The following LIPC variants were observed in gnomAD, a reference collection of about 807,000 sequenced individuals.
LIPC encodes hepatic triacylglycerol lipase.
Under a neutral mutation model 50.7 loss-of-function variants are expected in LIPC, and 44 were observed. That is an observed-to-expected ratio of 0.87 (90% CI 0.68 to 1.11). LIPC has a LOEUF of 1.11. Among genes scored for constraint, LIPC ranks in the 50% most tolerant of loss-of-function variants. The pLI is 0.00. For synonymous variants in LIPC, 271 were observed against 256.4 expected (o/e 1.06, Z -0.54); for missense variants, 697 against 648.2 (o/e 1.08, Z -0.82).
At chr15:58,529,144 G>C (rs1293616443) in intron 1 of LIPC, among the ~76,000 whole-genome samples, 2 of 152,204 alleles carry the variant, frequency 1.3e-5, no homozygotes, top group Non-Finnish European at 2.9e-5. Flanking sequence ...GAGCTAGATA[G>C]TCATGATATA....
rs775807344 is a variant in LIPC at position 58,563,741 on chromosome 15, C to T, written c.1388+18C>T. On this transcript the variant is annotated intron_variant, in intron 8 of 8. Transcript: ENST00000299022. ...CAGCAAAGGTGACTGCTGATTCAAT[C>T]TCCTATTAACGTCCATTAAGCACCC... 2.5e-6 allele frequency: 4 copies of T among 1,602,286 alleles called. No individual in the cohort carries two copies. The highest frequency in any genetic ancestry group is 2.6e-6 in the Non-Finnish European group (3 of 1,172,220).
intron 1 of LIPC, among the ~76,000 whole-genome samples, chr15:58,460,708 C>T (rs759820710): frequency 9.2e-4 from 140 of 152,280 alleles, no homozygotes; most frequent in Non-Finnish European, 1.8e-3. Context: ...ATTTCCTACT[C>T]GCCATGATGT....
At chr15:58,565,766 TG>T (rs1356393198) in intron 8 of LIPC, 2 of 989,140 alleles carry the variant, frequency 2.0e-6, no homozygotes, top group Non-Finnish European at 2.4e-6. Flanking sequence ...GTTGCAGTGC[TG>T]GACATTAACA....
rs1212182787 is a variant in LIPC, at chr15:58,520,120, TTTG to T, written c.89-18210_89-18208del. Among the ~76,000 whole-genome samples, 58 of 114,798 alleles carry T rather than the reference TTTG, an allele frequency of 5.1e-4. 1 individual carries two copies. Among genetic ancestry groups the T allele is most frequent in the Non-Finnish European group, 8.5e-4 (38 of 44,582 alleles). 75.3% of individuals were successfully genotyped at this position (114,798 alleles called of 152,430 possible). A position where few individuals can be genotyped will look rare whatever the true frequency, so the allele number is the denominator to read the frequency against. On this transcript the variant is annotated intron_variant, in intron 1 of 8. Transcript: ENST00000299022. The stretch of plus-strand genomic sequence containing the variant: ...ACCTCAGGTTTTGGGCTGTTTTTTT[TTTG>T]TTTTTTTTTTAATCTGTTAATTGAA...
chr15:58,459,250 C>T (rs774450261), intron 1 of LIPC, among the ~76,000 whole-genome samples: 22 of 152,078 alleles, frequency 1.4e-4, no homozygotes, highest in Non-Finnish European at 2.6e-4. Flanking sequence ...TTGGCTTTTC[C>T]CAGCAAGCAG....
intron 1 of LIPC, among the ~76,000 whole-genome samples, chr15:58,482,777 AG>A (rs1891236675): frequency 6.6e-6 from 1 of 152,134 alleles, no homozygotes; most frequent in Non-Finnish European, 1.5e-5. Context: ...AACCTTAAGG[AG>A]CTCATGATCA....
chr15:58,476,204 T>G (rs1237939856), intron 1 of LIPC, among the ~76,000 whole-genome samples: 3 of 152,252 alleles, frequency 2.0e-5, no homozygotes, highest in Admixed American at 2.0e-4. Flanking sequence ...CCCCAGTCCA[T>G]CTGCTCTGGC....
intron 1 of LIPC, among the ~76,000 whole-genome samples, chr15:58,531,065 A>G (rs531947865): frequency 6.6e-6 from 1 of 152,344 alleles, no homozygotes; most frequent in Admixed American, 6.5e-5. Flanking sequence ...GCCTTTAAAG[A>G]ACTTGTCAAA....
At chr15:58,491,336 A>G (rs557800580) in intron 1 of LIPC, among the ~76,000 whole-genome samples, 1 of 151,722 alleles carries the variant, frequency 6.6e-6, no homozygotes, top group Admixed American at 6.6e-5. Flanking sequence ...TCCTCACTCT[A>G]CTCTCCCCAG....
At chr15:58,538,274 G>T in intron 1 of LIPC, 59 bp from the exon 2 acceptor site, 1 of 1,525,354 alleles carries the variant, frequency 6.6e-7, no homozygotes, top group Non-Finnish European at 9.1e-7. Context: ...TTGAGAAGAC[G>T]GAGGGCTTCA....
intron 1 of LIPC, among the ~76,000 whole-genome samples, chr15:58,496,900 G>A (rs1891790774): frequency 1.3e-5 from 2 of 152,070 alleles, no homozygotes; most frequent in African/African-American, 4.8e-5. Flanking sequence ...GGCCAGGCTG[G>A]TCTCCAACCC....
intron 1 of LIPC, among the ~76,000 whole-genome samples, chr15:58,443,171 C>T (rs1251552013): frequency 6.6e-6 from 1 of 152,180 alleles, no homozygotes; most frequent in East Asian, 1.9e-4. Context: ...CTCAGCCTCC[C>T]AAAGTGCTGG....
intron 1 of LIPC, among the ~76,000 whole-genome samples, chr15:58,438,577 C>A (rs1212021974): frequency 1.3e-5 from 2 of 152,220 alleles, no homozygotes; most frequent in African/African-American, 4.8e-5. Flanking sequence ...GTCTGTCCAG[C>A]AGCGGGTGGA....
chr15:58,513,792 C>T (rs1892403377), intron 1 of LIPC, among the ~76,000 whole-genome samples: 1 of 152,186 alleles, frequency 6.6e-6, no homozygotes, highest in Non-Finnish European at 1.5e-5. Flanking sequence ...TATGTCCTGG[C>T]TCCACTCACA....
intron 8 of LIPC, chr15:58,566,329 T>C (rs1894364655): frequency 3.0e-6 from 3 of 985,354 alleles, no homozygotes; most frequent in Admixed American, 6.1e-5. Context: ...CAGGATCGGA[T>C]GGACTCCAGT....
rs1423483551 is a variant in LIPC, at chr15:58,567,310, T to C, written c.1389-1406T>C. ...ATATATATACATATATATATACATA[T>C]ATATGTATATGTGTATATATATATA... is the stretch of plus-strand genomic sequence containing the variant. On this transcript the variant is annotated intron_variant, in intron 8 of 8. Coordinates refer to ENST00000299022, the MANE Select transcript of LIPC (RefSeq NM_000236.3). Among the ~76,000 whole-genome samples the C allele has an allele frequency of 1.7e-3, 48 of 27,644 alleles. 2 individuals carry two copies. Among genetic ancestry groups the C allele is most frequent in the Non-Finnish European group, 2.1e-3 (29 of 13,558 alleles). 18.1% of individuals were successfully genotyped at this position (27,644 alleles called of 152,430 possible). A position where few individuals can be genotyped will look rare whatever the true frequency, so the allele number is the denominator to read the frequency against.
intron 1 of LIPC, among the ~76,000 whole-genome samples, chr15:58,468,773 C>G (rs1387941322): frequency 2.0e-5 from 3 of 152,192 alleles, no homozygotes. Context: ...AACTACAGAG[C>G]TGCCACCCAG....
At chr15:58,508,092 T>A (rs142004579) in intron 1 of LIPC, among the ~76,000 whole-genome samples, 4 of 152,320 alleles carry the variant, frequency 2.6e-5, no homozygotes, top group African/African-American at 9.6e-5. Context: ...TGATATGGGT[T>A]CAGTTGATGA....
At chr15:58,568,291 A>G (rs1340162807) in intron 8 of LIPC, among the ~76,000 whole-genome samples, 1 of 152,222 alleles carries the variant, frequency 6.6e-6, no homozygotes, top group Non-Finnish European at 1.5e-5. Flanking sequence ...CAGCATTTAC[A>G]AACTGGAGCT....
Sources: gnomAD v4.1 joint callset for allele counts (sites outside exome capture counted in the v4.1 genomes callset) on GRCh38, gnomAD v4.1.1 for gene constraint, MANE v1.5 for transcripts, NCBI Gene and HGNC (gene_info 2026-07-23, HGNC 2026-07-21) for gene names.